ENAH: variants seen among roughly 807,000 people sequenced by gnomAD.
ENAH encodes the protein protein enabled homolog.
In ENAH, 23 loss-of-function variants were observed where a neutral mutation model predicts 78.7. The observed-to-expected ratio is 0.29, with a 90% CI of 0.21 to 0.41. ENAH has a LOEUF of 0.41. ENAH is among the 10% of genes least tolerant of loss of function. The pLI, the probability that ENAH is intolerant of heterozygous loss-of-function variation, is 1.00. For missense variants in ENAH, 544 were observed against 691.0 expected (o/e 0.79, Z 2.39); for synonymous variants, 226 against 241.0 (o/e 0.94, Z 0.58).
At chr1:225,552,946 A>G (rs1297817302) in intron 3 of ENAH, among the ~76,000 whole-genome samples, 1 of 152,178 alleles carries the variant, frequency 6.6e-6, no homozygotes, top group Non-Finnish European at 1.5e-5. Context: ...TCAAGATTTA[A>G]AAAAAGGCTG....
intron 1 of ENAH, among the ~76,000 whole-genome samples, chr1:225,589,878 C>T (rs1054618475): frequency 6.6e-6 from 1 of 152,050 alleles, no homozygotes; most frequent in Non-Finnish European, 1.5e-5. Context: ...AGCATGTGTG[C>T]ACTCCCCGTG....
intron 3 of ENAH, among the ~76,000 whole-genome samples, chr1:225,549,960 G>C (rs1306996583): frequency 6.6e-6 from 1 of 152,104 alleles, no homozygotes; most frequent in Non-Finnish European, 1.5e-5. Flanking sequence ...GCACAAACTT[G>C]ATCATATCAA....
rs149673191 is a variant in ENAH, at chr1:225,519,882, A to T, written c.435-317T>A. ...AACATACCACTTTAATAACCAAGTC[A>T]TTATTTTAATTATTTAGTGAAAACA... is the stretch of plus-strand genomic sequence containing the variant. On this transcript the variant is annotated intron_variant, in intron 4 of 13. Transcript: ENST00000366843. Among the ~76,000 whole-genome samples, 281 of 152,376 alleles carry T rather than the reference A, an allele frequency of 1.8e-3. 9 individuals are homozygous for T. The South Asian group carries it at 0.05, about 27-fold the overall frequency.
chr1:225,633,857 C>T (rs1279423919), intron 1 of ENAH, among the ~76,000 whole-genome samples: 1 of 152,064 alleles, frequency 6.6e-6, no homozygotes, highest in Non-Finnish European at 1.5e-5. Context: ...TGGTCTGTGG[C>T]GAAGGACTTA....
intron 3 of ENAH, among the ~76,000 whole-genome samples, chr1:225,546,165 A>G (rs2096612967): frequency 6.6e-6 from 1 of 151,990 alleles, no homozygotes; most frequent in African/African-American, 2.4e-5. Flanking sequence ...TGACCTCAAG[A>G]GATCTTCCCA....
At chr1:225,621,379 G>A (rs1165913246) in intron 1 of ENAH, among the ~76,000 whole-genome samples, 6 of 148,846 alleles carry the variant, frequency 4.0e-5, no homozygotes, top group Admixed American at 2.7e-4. Context: ...TGCAAGCTCC[G>A]CCTCCCGGGT....
chr1:225,642,467 C>T (rs1405505651), intron 1 of ENAH, among the ~76,000 whole-genome samples: 1 of 152,092 alleles, frequency 6.6e-6, no homozygotes, highest in Non-Finnish European at 1.5e-5. Context: ...GGGATAGACA[C>T]ACCAGATGAA....
chr1:225,547,235 C>A lies in ENAH; in HGVS notation c.349+7671G>T, dbSNP rs143616228. On this transcript the variant is annotated intron_variant, in intron 3 of 13. Transcript: ENST00000366843. ...TACAGGTGCGCACCACCATGCCCAG[C>A]TTATTTTCGTATTTTTAGTAGAGAT... is the stretch of plus-strand genomic sequence containing the variant. Among the ~76,000 whole-genome samples, 6 of 152,124 alleles carry A rather than the reference C, an allele frequency of 3.9e-5. No homozygotes were observed. The East Asian group carries it at 1.2e-3, about 29-fold the overall frequency.
At chr1:225,636,831 G>A (rs911912051) in intron 1 of ENAH, among the ~76,000 whole-genome samples, 11 of 151,992 alleles carry the variant, frequency 7.2e-5, no homozygotes, top group Admixed American at 5.2e-4. Flanking sequence ...TTTATACTCC[G>A]TTTTTTTAAG....
At chr1:225,563,828 TATC>T (rs2096720808) in intron 2 of ENAH, among the ~76,000 whole-genome samples, 1 of 152,280 alleles carries the variant, frequency 6.6e-6, no homozygotes, top group Non-Finnish European at 1.5e-5. Flanking sequence ...AAACAGAAAA[TATC>T]ATGACATTTT....
chr1:225,512,567 C>A, intron 9 of ENAH, 90 bp downstream of exon 9: 2 of 1,327,530 alleles, frequency 1.5e-6, no homozygotes, highest in East Asian at 2.5e-5. Context: ...TAATTAAGCC[C>A]AAATTAAATA....
At chr1:225,631,368 G>T (rs1274517439) in intron 1 of ENAH, among the ~76,000 whole-genome samples, 3 of 151,454 alleles carry the variant, frequency 2.0e-5, no homozygotes, top group African/African-American at 7.3e-5. Context: ...TCAGGAGTTT[G>T]AGACCAGCCT....
At chr1:225,509,059 T>G in intron 10 of ENAH, among the ~76,000 whole-genome samples, 1 of 152,346 alleles carries the variant, frequency 6.6e-6, no homozygotes, top group South Asian at 2.1e-4. Flanking sequence ...CCTCATCAAC[T>G]AAATTCCTTC....
chr1:225,519,320 T>A lies in ENAH; in HGVS notation c.680A>T (p.Gln227Leu), dbSNP rs1390095572. 1.9e-6 allele frequency: 3 copies of A among 1,608,862 alleles called. No individual in the cohort carries two copies. The African/African-American group carries it at 4.0e-5, about 22-fold the overall frequency. ...ERQERLDRERQERQERERLER... is the reference protein window; with the variant it reads ...ERQERLDRERLERQERERLER... ...CAGCCTCTCTCGTTCTTGTCTTTCTTGCCTCTCCCGATCCAGGCGTTCCTG... is the reference window on the plus strand; with the variant it reads ...CAGCCTCTCTCGTTCTTGTCTTTCTAGCCTCTCCCGATCCAGGCGTTCCTG... Residue 227 changes from glutamine to leucine, a missense_variant, in exon 5 of 14, where the codon CAA becomes CTA. Physicochemically the swap from Gln to Leu is moderately radical, Grantham distance 113. Transcript: ENST00000366843.
At chr1:225,531,536 GAAAGT>G (rs1222858873) in intron 3 of ENAH, among the ~76,000 whole-genome samples, 5 of 152,032 alleles carry the variant, frequency 3.3e-5, no homozygotes, top group Non-Finnish European at 5.9e-5. Context: ...CAGTAAACAA[GAAAGT>G]AAAGAAACAG....
intron 1 of ENAH, among the ~76,000 whole-genome samples, chr1:225,598,185 T>C (rs974017427): frequency 1.3e-5 from 2 of 152,230 alleles, no homozygotes; most frequent in African/African-American, 2.4e-5. Flanking sequence ...AGAGGATTCC[T>C]ATCCTTGCAT....
intron 3 of ENAH, among the ~76,000 whole-genome samples, chr1:225,538,225 A>C (rs1484479027): frequency 6.6e-6 from 1 of 152,118 alleles, no homozygotes; most frequent in Non-Finnish European, 1.5e-5. Flanking sequence ...TCTACGCAAT[A>C]CATTTTTGAG....
chr1:225,562,450 T>C (rs534506689), intron 2 of ENAH, among the ~76,000 whole-genome samples: 4 of 151,398 alleles, frequency 2.6e-5, no homozygotes, highest in African/African-American at 9.7e-5. Context: ...CAGGCGCCTA[T>C]AGTCCCAGCT....
At chr1:225,577,361 A>C (rs1300539820) in intron 1 of ENAH, among the ~76,000 whole-genome samples, 1 of 152,190 alleles carries the variant, frequency 6.6e-6, no homozygotes, top group South Asian at 2.1e-4. Context: ...GTTCTGCCAC[A>C]ATGGCTGAGA....
Sources: gnomAD v4.1 joint callset for allele counts (sites outside exome capture counted in the v4.1 genomes callset) on GRCh38, gnomAD v4.1.1 for gene constraint, MANE v1.5 for transcripts, NCBI Gene and HGNC (gene_info 2026-07-23, HGNC 2026-07-21) for gene names.